The following DLGAP2 variants were observed in gnomAD, a reference collection of about 807,000 sequenced individuals.
DLGAP2 encodes DLG associated protein 2, also known as disks large-associated protein 2.
A neutral mutation model predicts 100.3 loss-of-function variants in DLGAP2; 26 were observed. The observed-to-expected ratio is 0.26, with a 90% CI of 0.19 to 0.36. DLGAP2 has a LOEUF of 0.36. DLGAP2 is among the 10% of genes least tolerant of loss of function. The pLI, the probability that DLGAP2 is intolerant of heterozygous loss-of-function variation, is 1.00. For missense variants in DLGAP2, 1,858 were observed against 1,453.2 expected (o/e 1.28, Z -4.53); for synonymous variants, 886 against 630.1 (o/e 1.41, Z -6.08).
intron 9 of DLGAP2, 107 bp downstream of exon 9, chr8:1,668,785 T>C: frequency 2.9e-6 from 3 of 1,042,054 alleles, no homozygotes; most frequent in Non-Finnish European, 2.7e-6. Context: ...GCACTGACTG[T>C]AACCCCAGCA....
intron 2 of DLGAP2, among the ~76,000 whole-genome samples, chr8:1,106,227 G>A (rs1252576126): frequency 6.7e-6 from 1 of 149,940 alleles, no homozygotes; most frequent in African/African-American, 2.5e-5. Context: ...TTGTATTGAA[G>A]GGAACCATTC....
At chr8:1,118,752 G>A (rs948781796) in intron 2 of DLGAP2, among the ~76,000 whole-genome samples, 2 of 152,262 alleles carry the variant, frequency 1.3e-5, no homozygotes, top group East Asian at 1.9e-4. Flanking sequence ...TGGTGGGACC[G>A]TTTTTGAATC....
chr8:1,489,281 C>A (rs907263109), intron 3 of DLGAP2, among the ~76,000 whole-genome samples: 1 of 152,192 alleles, frequency 6.6e-6, no homozygotes, highest in South Asian at 2.1e-4. Flanking sequence ...GGCAGCATGT[C>A]TTCCTCACTG....
chr8:879,682 C>A (rs11777598), intron 1 of DLGAP2, among the ~76,000 whole-genome samples: 19,004 of 152,212 alleles, frequency 0.12, 1,513 homozygotes, highest in Admixed American at 0.18. Context: ...CCTAATCTAT[C>A]ATTTTGTCAC....
intron 2 of DLGAP2, among the ~76,000 whole-genome samples, chr8:1,218,545 T>C (rs1278067083): frequency 6.6e-6 from 1 of 152,128 alleles, no homozygotes; most frequent in Non-Finnish European, 1.5e-5. Flanking sequence ...AGTTTTATAG[T>C]ATAGTTTGAA....
intron 2 of DLGAP2, among the ~76,000 whole-genome samples, chr8:1,072,272 T>A (rs1216059219): frequency 6.6e-6 from 1 of 152,184 alleles, no homozygotes; most frequent in Non-Finnish European, 1.5e-5. Flanking sequence ...GCTTTCCACT[T>A]CCATCGGGGA....
chr8:1,689,557 G>T (rs1237502570), intron 12 of DLGAP2, among the ~76,000 whole-genome samples: 1 of 152,172 alleles, frequency 6.6e-6, no homozygotes, highest in Non-Finnish European at 1.5e-5. Flanking sequence ...GAAAGGGCTG[G>T]GCTAGTTAAA....
intron 2 of DLGAP2, among the ~76,000 whole-genome samples, chr8:1,233,252 G>A (rs529107871): frequency 6.6e-6 from 1 of 152,322 alleles, no homozygotes; most frequent in South Asian, 2.1e-4. Flanking sequence ...AGGCTGCTGT[G>A]AACATTTGTG....
intron 2 of DLGAP2, among the ~76,000 whole-genome samples, chr8:940,012 G>A (rs912002898): frequency 2.0e-5 from 3 of 152,030 alleles, no homozygotes; most frequent in Non-Finnish European, 4.4e-5. Context: ...GGAATAGAAG[G>A]AGCCGGGATC....
intron 2 of DLGAP2, among the ~76,000 whole-genome samples, chr8:984,878 G>C (rs1800442659): frequency 6.6e-6 from 1 of 152,116 alleles, no homozygotes; most frequent in Non-Finnish European, 1.5e-5. Context: ...ATTTTTCTTT[G>C]TCTGTGTCTG....
chr8:1,317,627 G>A (rs868521944), intron 3 of DLGAP2, among the ~76,000 whole-genome samples: 2,288 of 129,268 alleles, frequency 0.018, 21 homozygotes, highest in Middle Eastern at 0.042. Context: ...TCCAACAGTG[G>A]TCTACACTCG....
intron 2 of DLGAP2, among the ~76,000 whole-genome samples, chr8:1,075,283 A>C (rs926155007): frequency 6.6e-6 from 1 of 152,148 alleles, no homozygotes; most frequent in Admixed American, 6.5e-5. Flanking sequence ...GAGGGAAGGA[A>C]AAGTTGAGCT....
chr8:798,786 G>A (rs1188067322), intron 1 of DLGAP2, among the ~76,000 whole-genome samples: 7 of 146,834 alleles, frequency 4.8e-5, no homozygotes, highest in South Asian at 4.4e-4. Flanking sequence ...CTGCAGCCCC[G>A]TGCCCTGGTG....
intron 2 of DLGAP2, among the ~76,000 whole-genome samples, chr8:996,685 T>C (rs1397274791): frequency 1.3e-5 from 2 of 152,210 alleles, no homozygotes; most frequent in African/African-American, 4.8e-5. Flanking sequence ...TTCCATGGAA[T>C]GAAACCCCCT....
At chr8:1,416,839 G>T (rs887280740) in intron 3 of DLGAP2, among the ~76,000 whole-genome samples, 2 of 152,184 alleles carry the variant, frequency 1.3e-5, no homozygotes, top group Non-Finnish European at 1.5e-5. Flanking sequence ...TCAGACATTT[G>T]TTGCAAAGCG....
chr8:855,936 G>C (rs528348293), intron 1 of DLGAP2, among the ~76,000 whole-genome samples: 2 of 152,220 alleles, frequency 1.3e-5, no homozygotes, highest in Non-Finnish European at 2.9e-5. Flanking sequence ...CCCCCCAACA[G>C]CTAAGTTCTT....
chr8:829,410 A>G lies in DLGAP2; in HGVS notation c.19-78502A>G, dbSNP rs116730560. On this transcript the variant is annotated intron_variant, in intron 1 of 14. Coordinates refer to ENST00000637795, the MANE Select transcript of DLGAP2 (RefSeq NM_001346810.2). ...CTCAAGGAAAGAGAACACTTGTCTT[A>G]TTACCAGGCCTTCTGGGTATGGGAT... Among the ~76,000 whole-genome samples the G allele has an allele frequency of 2.0e-3, 298 of 152,286 alleles. 2 individuals are homozygous for G. Among genetic ancestry groups the G allele is most frequent in the African/African-American group, 5.9e-3 (245 of 41,574 alleles).
At chr8:866,910 G>A (rs1394740767) in intron 1 of DLGAP2, among the ~76,000 whole-genome samples, 1 of 152,092 alleles carries the variant, frequency 6.6e-6, no homozygotes, top group East Asian at 1.9e-4. Flanking sequence ...CACGTTCCCA[G>A]GGAAGCCACG....
chr8:1,464,603 G>A (rs1232627005), intron 3 of DLGAP2, among the ~76,000 whole-genome samples: 3 of 151,314 alleles, frequency 2.0e-5, no homozygotes, highest in African/African-American at 7.3e-5. Flanking sequence ...TTCCTGCTGA[G>A]CTCCCAGGCA....
Sources: allele counts gnomAD v4.1 joint callset (sites outside exome capture counted in the v4.1 genomes callset), GRCh38; gene constraint gnomAD v4.1.1; transcripts MANE v1.5; gene names NCBI Gene and HGNC (gene_info 2026-07-23, HGNC 2026-07-21).